Variants in HORMAD2 observed in about 807,000 individuals in gnomAD.
HORMAD2 encodes the protein HORMA domain-containing protein 2.
A neutral mutation model predicts 38.8 loss-of-function variants in HORMAD2; 45 were observed. The observed-to-expected ratio is 1.16, with a 90% CI of 0.91 to 1.49. The LOEUF (loss-of-function observed/expected upper bound fraction) is 1.49. Ranked by LOEUF, HORMAD2 falls within the 40% of genes most tolerant of loss-of-function variation. The probability of loss-of-function intolerance (pLI) is 0.00; values close to 1 mark genes in which losing one functional copy is unlikely to be tolerated. For synonymous variants in HORMAD2, 126 were observed against 122.8 expected (o/e 1.03, Z -0.17); for missense variants, 338 against 367.0 (o/e 0.92, Z 0.65).
chr22:30,128,854 T>A (rs1439915829), intron 10 of HORMAD2, among the ~76,000 whole-genome samples: 1 of 152,158 alleles, frequency 6.6e-6, no homozygotes, highest in East Asian at 1.9e-4. Context: ...AAGGTTGAAC[T>A]AGATTGACCT....
At chr22:30,108,662 C>A (rs999644264) in intron 5 of HORMAD2, among the ~76,000 whole-genome samples, 1 of 152,226 alleles carries the variant, frequency 6.6e-6, no homozygotes, top group African/African-American at 2.4e-5. Context: ...GCAATGAACA[C>A]AATGTTAATG....
chr22:30,130,088 T>G (rs953082077), intron 10 of HORMAD2, among the ~76,000 whole-genome samples: 1 of 152,138 alleles, frequency 6.6e-6, no homozygotes, highest in African/African-American at 2.4e-5. Context: ...GTTTATAAAT[T>G]TTTGATCAAA....
chr22:30,180,468 A>T (rs941892965), downstream of HORMAD2, among the ~76,000 whole-genome samples: 2 of 152,190 alleles, frequency 1.3e-5, no homozygotes, highest in Admixed American at 6.5e-5. Context: ...AGGGTAAGCA[A>T]GCAAAGTTAG....
At chr22:30,151,640 C>A (rs1924755414) in intron 10 of HORMAD2, among the ~76,000 whole-genome samples, 1 of 152,006 alleles carries the variant, frequency 6.6e-6, no homozygotes, top group African/African-American at 2.4e-5. Context: ...GTGTTGAAGA[C>A]CATTGGAGAT....
chr22:30,158,659 A>C (rs985313553), intron 10 of HORMAD2, among the ~76,000 whole-genome samples: 2 of 123,640 alleles, frequency 1.6e-5, no homozygotes, highest in Admixed American at 9.2e-5. Flanking sequence ...GTCTCTCTCT[A>C]TCTCTTTCCC....
chr22:30,159,152 T>C (rs999909845), intron 10 of HORMAD2, among the ~76,000 whole-genome samples: 2 of 152,208 alleles, frequency 1.3e-5, no homozygotes, highest in African/African-American at 4.8e-5. Context: ...AGAAAAGTTC[T>C]CCTAAAATAA....
the HORMAD2 span, among the ~76,000 whole-genome samples, chr22:30,182,576 G>C: frequency 6.6e-6 from 1 of 152,144 alleles, no homozygotes; most frequent in Admixed American, 6.5e-5. Context: ...CACAATCATG[G>C]CTGTGGACAC....
chr22:30,169,169 G>A (rs1480016399), intron 10 of HORMAD2, among the ~76,000 whole-genome samples: 1 of 152,066 alleles, frequency 6.6e-6, no homozygotes, highest in South Asian at 2.1e-4. Context: ...GCCTTGCCAG[G>A]CCTCCCCAGA....
chr22:30,160,575 A>T (rs1443410458), intron 10 of HORMAD2, among the ~76,000 whole-genome samples: 3 of 152,202 alleles, frequency 2.0e-5, no homozygotes, highest in African/African-American at 7.2e-5. Context: ...TGTAAAAGAA[A>T]CTAGTAACAG....
the HORMAD2 span, among the ~76,000 whole-genome samples, chr22:30,186,433 T>C: frequency 7.2e-5 from 11 of 151,794 alleles, no homozygotes; most frequent in South Asian, 2.3e-3. Context: ...CATTTTTCAT[T>C]ACAAAATGAA....
chr22:30,141,923 T>G (rs1924105831), intron 10 of HORMAD2, among the ~76,000 whole-genome samples: 1 of 152,122 alleles, frequency 6.6e-6, no homozygotes, highest in Non-Finnish European at 1.5e-5. Flanking sequence ...TTCTATCCTT[T>G]TACATTTGTT....
intron 3 of HORMAD2, 74 bp downstream of exon 3, chr22:30,099,067 T>G (rs1158366630): frequency 1.5e-6 from 2 of 1,324,638 alleles, no homozygotes; most frequent in African/African-American, 3.0e-5. Context: ...ACCTTTCACG[T>G]CTCACAAAGT....
intron 10 of HORMAD2, among the ~76,000 whole-genome samples, chr22:30,125,205 C>CTTTTTTTTTTTTTTTTT (rs1569099710): frequency 1.4e-5 from 1 of 69,470 alleles, no homozygotes; most frequent in African/African-American, 5.9e-5. Context: ...TTTTCACTTT[C>CTTTTTTTTTTTTTTTTT]TTTTTCTTTT....
chr22:30,165,430 A>G (rs1288717663), intron 10 of HORMAD2, among the ~76,000 whole-genome samples: 2 of 152,234 alleles, frequency 1.3e-5, no homozygotes, highest in Admixed American at 6.5e-5. Context: ...GGGTTTTTCT[A>G]TCTCTGCAAA....
At chr22:30,174,737 A>G (rs545115457) in intron 10 of HORMAD2, among the ~76,000 whole-genome samples, 7 of 152,274 alleles carry the variant, frequency 4.6e-5, no homozygotes, top group African/African-American at 1.4e-4. Flanking sequence ...TGGCCAAGCA[A>G]CAAGCTAACT....
At chr22:30,192,833 T>G in the HORMAD2 span, among the ~76,000 whole-genome samples, 1 of 152,154 alleles carries the variant, frequency 6.6e-6, no homozygotes, top group South Asian at 2.1e-4. Flanking sequence ...TCAACATTCA[T>G]CCCCAGAGGT....
chr22:30,103,113 G>A (rs1016571631), intron 3 of HORMAD2, among the ~76,000 whole-genome samples: 2 of 152,114 alleles, frequency 1.3e-5, no homozygotes, highest in Non-Finnish European at 2.9e-5. Flanking sequence ...GGTCAATGGA[G>A]ATAGTCTCAA....
intron 6 of HORMAD2, among the ~76,000 whole-genome samples, chr22:30,112,065 T>C (rs1189450617): frequency 6.6e-6 from 1 of 152,096 alleles, no homozygotes. Context: ...CAGGATTTTA[T>C]TTTTTTAGTT....
chr22:30,198,108 C>T, the HORMAD2 span, among the ~76,000 whole-genome samples: 26 of 152,148 alleles, frequency 1.7e-4, no homozygotes, highest in Admixed American at 1.3e-3. Flanking sequence ...CACTTGAACC[C>T]GGGAGGCGAA....
Sources: gnomAD v4.1 joint callset for allele counts (sites outside exome capture counted in the v4.1 genomes callset) on GRCh38, gnomAD v4.1.1 for gene constraint, MANE v1.5 for transcripts, NCBI Gene and HGNC (gene_info 2026-07-23, HGNC 2026-07-21) for gene names.